Variants in SNRNP40 observed in about 807,000 individuals in gnomAD.
SNRNP40 encodes small nuclear ribonucleoprotein U5 subunit 40.
In SNRNP40, 21 loss-of-function variants were observed where a neutral mutation model predicts 45.8. The ratio of observed to expected loss-of-function variants is 0.46; its 90% CI spans 0.32 to 0.66. The LOEUF is 0.66. SNRNP40 is among the 30% of genes least tolerant of loss of function. The probability of loss-of-function intolerance (pLI) is 0.03; values close to 1 mark genes in which losing one functional copy is unlikely to be tolerated. For synonymous variants in SNRNP40, 142 were observed against 163.8 expected (o/e 0.87, Z 1.01); for missense variants, 344 against 439.1 (o/e 0.78, Z 1.94).
intron 5 of SNRNP40, among the ~76,000 whole-genome samples, chr1:31,273,220 G>C (rs1299581443): frequency 2.0e-5 from 3 of 152,144 alleles, no homozygotes; most frequent in Non-Finnish European, 4.4e-5. Context: ...TTGAAATCTA[G>C]CTTTGTAACA....
At chr1:31,279,494 T>C (rs1360042212) in intron 5 of SNRNP40, among the ~76,000 whole-genome samples, 1 of 152,226 alleles carries the variant, frequency 6.6e-6, no homozygotes, top group African/African-American at 2.4e-5. Flanking sequence ...CTCATGCCTG[T>C]AATCCCACTT....
chr1:31,265,773 G>C (rs1428596758), intron 8 of SNRNP40, among the ~76,000 whole-genome samples: 1 of 152,204 alleles, frequency 6.6e-6, no homozygotes, highest in Non-Finnish European at 1.5e-5. Context: ...CCAGGAGGTG[G>C]AGCTTGTAGT....
chr1:31,290,649 G>A (rs7535291), intron 3 of SNRNP40, among the ~76,000 whole-genome samples: 84,059 of 151,822 alleles, frequency 0.55, 23,968 homozygotes, highest in Non-Finnish European at 0.63. Flanking sequence ...AGGCCAAGGC[G>A]GGCGGATCAC....
intron 1 of SNRNP40, among the ~76,000 whole-genome samples, chr1:31,293,792 G>A (rs1000287439): frequency 1.3e-5 from 2 of 152,020 alleles, no homozygotes; most frequent in African/African-American, 4.8e-5. Context: ...ACGTTGCCTA[G>A]GCTGGTCTCA....
At position 31,266,258 on chromosome 1, in the gene SNRNP40, A is replaced by G. The variant is rs3766290; in HGVS notation, c.920+1613T>C. Among the ~76,000 whole-genome samples, 15 of 152,330 alleles carry G rather than the reference A, an allele frequency of 9.8e-5. No individual in the cohort carries two copies. In the East Asian group the frequency reaches 2.5e-3, roughly 25 times the overall value. On this transcript the variant is annotated intron_variant, in intron 8 of 9. Transcript: ENST00000263694. The stretch of plus-strand genomic sequence containing the variant: ...GCCCCAAATAGAGGAAAACCCTGGA[A>G]TATGCTGAAAGCCCTGGCTAGCCCA...
intron 8 of SNRNP40, among the ~76,000 whole-genome samples, chr1:31,267,019 C>A (rs892204616): frequency 3.3e-5 from 5 of 152,036 alleles, no homozygotes; most frequent in Non-Finnish European, 7.4e-5. Flanking sequence ...GCACAAAGAA[C>A]AATTAGTTAT....
At chr1:31,280,312 C>G (rs929503479) in intron 5 of SNRNP40, among the ~76,000 whole-genome samples, 50 of 151,408 alleles carry the variant, frequency 3.3e-4, no homozygotes, top group Admixed American at 1.9e-3. Context: ...ACAGGCACAC[C>G]ACCATCACAT....
intron 4 of SNRNP40, among the ~76,000 whole-genome samples, chr1:31,286,342 T>A (rs1646059131): frequency 6.6e-6 from 1 of 152,182 alleles, no homozygotes; most frequent in African/African-American, 2.4e-5. Flanking sequence ...TATATTCACT[T>A]ATTTGATTAT....
chr1:31,292,007 C>T lies in SNRNP40; in HGVS notation c.272-1G>A. 6.3e-7 allele frequency: 1 copy of T among 1,593,272 alleles called. No homozygotes were observed. Among genetic ancestry groups the T allele is most frequent in the Non-Finnish European group, 8.6e-7 (1 of 1,161,108 alleles). On this transcript the variant is annotated splice_acceptor_variant, in intron 2 of 9. Transcript: ENST00000263694. LOFTEE classifies it high-confidence loss of function. ...CAGTCACCATAGACATTCCACAGTA[C>T]TGTTAGGGAGATGGGTTCTGTGAGC...
intron 5 of SNRNP40, among the ~76,000 whole-genome samples, chr1:31,271,727 T>C (rs561032158): frequency 6.6e-6 from 1 of 152,198 alleles, no homozygotes; most frequent in African/African-American, 2.4e-5. Context: ...CGCTGTAGCC[T>C]TGACTTCCCG....
intron 3 of SNRNP40, among the ~76,000 whole-genome samples, chr1:31,290,890 TA>T (rs1395855911): frequency 1.3e-5 from 2 of 149,546 alleles, no homozygotes; most frequent in Non-Finnish European, 3.0e-5. Flanking sequence ...AAAAATAAAA[TA>T]AAATAAATAA....
At chr1:31,289,971 C>T (rs1046405434) in intron 3 of SNRNP40, among the ~76,000 whole-genome samples, 1 of 152,088 alleles carries the variant, frequency 6.6e-6, no homozygotes, top group Non-Finnish European at 1.5e-5. Flanking sequence ...GTGATCCTCC[C>T]ACCTCAGCCT....
chr1:31,284,760 C>T (rs1646043677), intron 4 of SNRNP40, among the ~76,000 whole-genome samples: 1 of 152,198 alleles, frequency 6.6e-6, no homozygotes, highest in Non-Finnish European at 1.5e-5. Flanking sequence ...CAAGATGCCT[C>T]TTCCTCCCAA....
At chr1:31,263,293 C>A (rs1645873630) in intron 8 of SNRNP40, 1 of 151,844 alleles carries the variant, frequency 6.6e-6, no homozygotes, top group Non-Finnish European at 1.5e-5. Context: ...CCATAATTTT[C>A]ACAAAAGTCT....
intron 4 of SNRNP40, among the ~76,000 whole-genome samples, 193 bp downstream of exon 4, chr1:31,289,061 T>C (rs1406999142): frequency 2.0e-5 from 3 of 152,388 alleles, no homozygotes; most frequent in African/African-American, 7.2e-5. Context: ...TCTATGGTTC[T>C]ATTATTATTC....
chr1:31,261,670 A>T, intron 8 of SNRNP40, 38 bp from the exon 9 acceptor site: 1 of 1,369,518 alleles, frequency 7.3e-7, no homozygotes, highest in Non-Finnish European at 1.0e-6. Flanking sequence ...AAGTCCTCTT[A>T]GAGCTGGGGG....
intron 6 of SNRNP40, among the ~76,000 whole-genome samples, chr1:31,270,790 A>G (rs1008603332): frequency 6.6e-6 from 1 of 152,232 alleles, no homozygotes; most frequent in Non-Finnish European, 1.5e-5. Context: ...GGCCATTTCC[A>G]AACTCCCTCA....
At chr1:31,290,477 A>G (rs1646096314) in intron 3 of SNRNP40, among the ~76,000 whole-genome samples, 1 of 152,190 alleles carries the variant, frequency 6.6e-6, no homozygotes, top group South Asian at 2.1e-4. Flanking sequence ...CCAGATTTCT[A>G]TATTATCTAT....
At chr1:31,262,643 C>A (rs533566213) in intron 8 of SNRNP40, among the ~76,000 whole-genome samples, 43 of 150,546 alleles carry the variant, frequency 2.9e-4, no homozygotes, top group African/African-American at 1.0e-3. Context: ...TCATCAACGG[C>A]GTAACTAAAA....
Sources: gnomAD v4.1 joint callset for allele counts (sites outside exome capture counted in the v4.1 genomes callset) on GRCh38, gnomAD v4.1.1 for gene constraint, MANE v1.5 for transcripts, NCBI Gene and HGNC (gene_info 2026-07-23, HGNC 2026-07-21) for gene names.